Variants in ANKRD11 observed in about 807,000 individuals in gnomAD.
ANKRD11 encodes the protein ankyrin repeat domain 11.
In ANKRD11, 17 loss-of-function variants were observed where a neutral mutation model predicts 195.7. The observed-to-expected ratio is 0.09, with a 90% CI of 0.06 to 0.13. ANKRD11 has a LOEUF of 0.13. Ranked by LOEUF, ANKRD11 falls within the 10% of genes least tolerant of loss-of-function variation. The pLI is 1.00. For missense variants in ANKRD11, 3,735 were observed against 3,566.1 expected (o/e 1.05, Z -1.21); for synonymous variants, 1,953 against 1,528.1 (o/e 1.28, Z -6.49).
At chr16:89,420,711 T>C (rs1288198295) in intron 1 of ANKRD11, among the ~76,000 whole-genome samples, 1 of 152,178 alleles carries the variant, frequency 6.6e-6, no homozygotes, top group Non-Finnish European at 1.5e-5. Flanking sequence ...ATATTTGGAA[T>C]AAACATTACA....
At chr16:89,416,385 C>G (rs1453779917) in intron 2 of ANKRD11, among the ~76,000 whole-genome samples, 1 of 151,996 alleles carries the variant, frequency 6.6e-6, no homozygotes, top group Non-Finnish European at 1.5e-5. Context: ...CTGAAACCTC[C>G]GCCTCCCAGT....
At chr16:89,427,863 G>A (rs892218927) in intron 1 of ANKRD11, among the ~76,000 whole-genome samples, 2 of 151,880 alleles carry the variant, frequency 1.3e-5, no homozygotes, top group African/African-American at 4.8e-5. Context: ...TTATTAAGGG[G>A]GCAAAATAAA....
At chr16:89,383,541 G>A (rs900408550) in intron 2 of ANKRD11, among the ~76,000 whole-genome samples, 1 of 152,246 alleles carries the variant, frequency 6.6e-6, no homozygotes, top group Non-Finnish European at 1.5e-5. Context: ...CAAGAAGGAA[G>A]AGCCATGAAG....
rs530241255 is a variant in ANKRD11 at position 89,268,712 on chromosome 16, C to T, written c.7807-49G>A. On this transcript the variant is annotated intron_variant, in intron 12 of 12. Transcript: ENST00000301030. ...GGAGGGAGGAGGAGTGAAGGGAGAG[C>T]CCCAGACTCTGCCGACCTCAGCTGC... is the stretch of plus-strand genomic sequence containing the variant. 8 of 1,545,496 alleles carry T rather than the reference C, an allele frequency of 5.2e-6. No homozygotes were observed. The East Asian group carries it at 1.2e-4, about 23-fold the overall frequency.
chr16:89,448,402 C>T (rs899106984), intron 1 of ANKRD11, among the ~76,000 whole-genome samples: 29 of 152,176 alleles, frequency 1.9e-4, no homozygotes, highest in African/African-American at 7.0e-4. Flanking sequence ...AAAAACTTCT[C>T]CCTGATCTGT....
intron 1 of ANKRD11, among the ~76,000 whole-genome samples, chr16:89,474,724 T>C (rs1009329193): frequency 6.6e-6 from 1 of 152,078 alleles, no homozygotes; most frequent in Non-Finnish European, 1.5e-5. Context: ...AACTCACAGC[T>C]TCAATTATTT....
At chr16:89,311,369 G>C (rs942061543) in intron 3 of ANKRD11, among the ~76,000 whole-genome samples, 5 of 152,154 alleles carry the variant, frequency 3.3e-5, no homozygotes, top group African/African-American at 1.2e-4. Flanking sequence ...TAGTACCTTT[G>C]TCTGGCTTTG....
Position 89,490,288 on chromosome 16 carries a change from G to A in ANKRD11, c.-188C>T, listed in dbSNP as rs749138473. The A allele has an allele frequency of 4.7e-5, 7 of 150,098 alleles. No individual in the cohort carries two copies. The South Asian group carries it at 1.2e-3, about 26-fold the overall frequency. 9.3% of individuals were successfully genotyped at this position (150,098 alleles called of 1,614,324 possible). A position where few individuals can be genotyped will look rare whatever the true frequency, so the allele number is the denominator to read the frequency against. On this transcript the variant is annotated 5_prime_UTR_variant, in exon 1 of 13. Coordinates refer to ENST00000301030, the MANE Select transcript of ANKRD11 (RefSeq NM_013275.6). ...CGGCTCCGCGACGGCTCAGCGGCGG[G>A]GCGCGGGCGCTGCCCATGCAGCCCG...
intron 2 of ANKRD11, among the ~76,000 whole-genome samples, chr16:89,416,338 C>A (rs190282846): frequency 6.6e-6 from 1 of 151,980 alleles, no homozygotes; most frequent in Admixed American, 6.5e-5. Context: ...CTTGCTCTGT[C>A]GCCCAGGCTC....
intron 2 of ANKRD11, among the ~76,000 whole-genome samples, chr16:89,337,896 T>TCC (rs901468468): frequency 6.6e-6 from 1 of 152,094 alleles, no homozygotes; most frequent in African/African-American, 2.4e-5. Flanking sequence ...GTGTGTGGAA[T>TCC]CCCCCTCTAT....
chr16:89,350,980 G>T (rs1431492469), intron 2 of ANKRD11, among the ~76,000 whole-genome samples: 1 of 152,186 alleles, frequency 6.6e-6, no homozygotes, highest in East Asian at 1.9e-4. Context: ...TCTGCCTTCT[G>T]GATCTGGGTA....
chr16:89,366,257 GTCT>G (rs1195956894), intron 2 of ANKRD11, among the ~76,000 whole-genome samples: 2 of 151,574 alleles, frequency 1.3e-5, no homozygotes, highest in Non-Finnish European at 2.9e-5. Flanking sequence ...TGGATTCCAT[GTCT>G]TCTTCTGTGA....
At chr16:89,378,925 C>A (rs1355664217) in intron 2 of ANKRD11, among the ~76,000 whole-genome samples, 1 of 147,890 alleles carries the variant, frequency 6.8e-6, no homozygotes, top group Non-Finnish European at 1.5e-5. Flanking sequence ...GTGGGTGGGG[C>A]GAGGTGGGAA....
rs1201503146 is a variant in ANKRD11, at chr16:89,393,491, T to C, written c.-60+24793A>G. Among the ~76,000 whole-genome samples, 15 of 19,984 alleles carry C rather than the reference T, an allele frequency of 7.5e-4. No individual in the cohort carries two copies. In the East Asian group the frequency reaches 0.018, roughly 23 times the overall value. 13.1% of individuals were successfully genotyped at this position (19,984 alleles called of 152,430 possible). On this transcript the variant is annotated intron_variant, in intron 2 of 12. Transcript: ENST00000301030. ...GGCGTGTGCCACCATATCCAGCTGCTTTTTTTTTTTTTTTTTTGTATTTTT... is the reference window on the plus strand; with the variant it reads ...GGCGTGTGCCACCATATCCAGCTGCCTTTTTTTTTTTTTTTTTGTATTTTT...
At chr16:89,295,890 C>G in intron 4 of ANKRD11, among the ~76,000 whole-genome samples, 1 of 80,924 alleles carries the variant, frequency 1.2e-5, no homozygotes. Flanking sequence ...GGGGGGCCTG[C>G]AACCTTCCTG....
intron 2 of ANKRD11, among the ~76,000 whole-genome samples, chr16:89,387,350 T>C (rs752586070): frequency 1.4e-4 from 21 of 152,092 alleles, no homozygotes; most frequent in Non-Finnish European, 2.6e-4. Context: ...CCTCCCACTC[T>C]GCACCACAGG....
At chr16:89,436,564 C>T (rs2043224624) in intron 1 of ANKRD11, among the ~76,000 whole-genome samples, 2 of 152,220 alleles carry the variant, frequency 1.3e-5, no homozygotes, top group South Asian at 2.1e-4. Flanking sequence ...GCAAACAGGA[C>T]GGCTGTTCCG....
chr16:89,453,720 C>T (rs920309957), intron 1 of ANKRD11, among the ~76,000 whole-genome samples: 1 of 152,158 alleles, frequency 6.6e-6, no homozygotes, highest in African/African-American at 2.4e-5. Flanking sequence ...GAAGACACAG[C>T]GGCAAACAAA....
chr16:89,339,250 CA>C (rs1470645120), intron 2 of ANKRD11, among the ~76,000 whole-genome samples: 1 of 152,196 alleles, frequency 6.6e-6, no homozygotes, highest in Non-Finnish European at 1.5e-5. Context: ...CTGTTTAGGT[CA>C]AAATCATGCA....
Sources: gnomAD v4.1 joint callset for allele counts (sites outside exome capture counted in the v4.1 genomes callset) on GRCh38, gnomAD v4.1.1 for gene constraint, MANE v1.5 for transcripts, NCBI Gene and HGNC (gene_info 2026-07-23, HGNC 2026-07-21) for gene names.